GLYATL1: variants seen among roughly 807,000 people sequenced by gnomAD.
GLYATL1 encodes glycine-N-acyltransferase like 1.
A neutral mutation model predicts 20.0 loss-of-function variants in GLYATL1; 15 were observed. The ratio of observed to expected loss-of-function variants is 0.75; its 90% confidence interval spans 0.50 to 1.15. The LOEUF (loss-of-function observed/expected upper bound fraction) is 1.15. Among genes scored for constraint, GLYATL1 ranks in the 50% most tolerant of loss-of-function variants. The pLI, the probability that GLYATL1 is intolerant of heterozygous loss-of-function variation, is 0.00. For missense variants in GLYATL1, 380 were observed against 368.5 expected, an observed-to-expected ratio of 1.03 and a Z score of -0.26; for synonymous variants, 151 against 131.5, an observed-to-expected ratio of 1.15 and a Z score of -1.01.
intron 1 of GLYATL1, chr11:58,917,181 A>G (rs1855194199): frequency 1.3e-5 from 2 of 152,168 alleles, no homozygotes; most frequent in Non-Finnish European, 2.9e-5. Context: ...CAGCCAACAG[A>G]TCCTGTCTTC....
intron 1 of GLYATL1, among the ~76,000 whole-genome samples, chr11:58,917,762 C>G (rs1168947084): frequency 6.6e-6 from 1 of 152,182 alleles, no homozygotes; most frequent in Non-Finnish European, 1.5e-5. Context: ...TAAGTTTACT[C>G]ATATCATGGG....
upstream of GLYATL1, among the ~76,000 whole-genome samples, chr11:58,938,058 A>G (rs1855916192): frequency 6.6e-6 from 1 of 152,252 alleles, no homozygotes; most frequent in African/African-American, 2.4e-5. Context: ...CATTGATAAT[A>G]TAATAGCTTT....
At chr11:58,947,705 T>G in intron 3 of GLYATL1, 153 bp from the exon 4 acceptor site, 1 of 614,534 alleles carries the variant, frequency 1.6e-6, no homozygotes, top group Non-Finnish European at 2.9e-6. Flanking sequence ...CGTCCATCAG[T>G]ATGGTCCTCT....
chr11:58,955,344 A>C lies in GLYATL1; in HGVS notation c.482A>C (p.Glu161Ala). The stretch of plus-strand genomic sequence containing the variant: ...GCTGAGACAGGCCACCCAGATGATG[A>C]ATTTGAAAGGTACAAAAACATGTGC... Reference protein sequence around the residue: ...SWAETGHPDDEFESETPNFKY... With the variant: ...SWAETGHPDDAFESETPNFKY... Residue 161 changes from glutamate to alanine, a missense_variant, in exon 6 of 7, where the codon GAA becomes GCA. Transcript: ENST00000532726. The C allele has an allele frequency of 6.2e-7, 1 of 1,612,598 alleles. No homozygotes were observed. The highest frequency in any genetic ancestry group is 8.5e-7 in the Non-Finnish European group (1 of 1,179,446).
In GLYATL1 at chr11:58,955,634, C is replaced by G. The variant is rs1289335207; in HGVS notation, c.516C>G (p.Ala172=). Residue 172 remains alanine, a synonymous_variant, in exon 7 of 7, where the codon GCC becomes GCG. Transcript: ENST00000532726. ...FESETPNFKY[A]QLDVSYSGLV... ...GTGAAACTCCCAACTTTAAGTATGC[C>G]CAGCTGGATGTCTCTTATTCTGGGC... The G allele has an allele frequency of 3.1e-6, 5 of 1,613,908 alleles. No individual in the cohort carries two copies. The highest frequency in any genetic ancestry group is 1.1e-5 in the South Asian group (1 of 91,046).
intron 1 of GLYATL1, among the ~76,000 whole-genome samples, chr11:58,907,051 A>G (rs1854909351): frequency 6.6e-6 from 1 of 152,222 alleles, no homozygotes; most frequent in Non-Finnish European, 1.5e-5. Flanking sequence ...AAATGAGGAA[A>G]TGGGGATCCC....
rs1373884765 is a variant in GLYATL1, at chr11:58,947,664, TGTGA to T, written c.79-191_79-188del. The T allele has an allele frequency of 1.0e-5, 6 of 577,604 alleles. No homozygotes were observed. The Admixed American group carries it at 1.8e-4, about 17-fold the overall frequency. 35.8% of individuals were successfully genotyped at this position (577,604 alleles called of 1,614,324 possible). A position where few individuals can be genotyped will look rare whatever the true frequency, so the allele number is the denominator to read the frequency against. ...TTGGTATCACAAGGACAGTCCTACC[TGTGA>T]GTTCTGCCTGCTTGCTGGTAACTTC... On this transcript the variant is annotated intron_variant, in intron 3 of 6. Transcript: ENST00000532726.
upstream of GLYATL1, among the ~76,000 whole-genome samples, chr11:58,936,703 C>G (rs1020114885): frequency 1.3e-5 from 2 of 152,120 alleles, no homozygotes; most frequent in African/African-American, 4.8e-5. Context: ...GTAGTATAGC[C>G]AAAGTTTTGT....
chr11:58,926,527 CA>C (rs1855432483), upstream of GLYATL1, among the ~76,000 whole-genome samples: 1 of 152,166 alleles, frequency 6.6e-6, no homozygotes, highest in Non-Finnish European at 1.5e-5. Flanking sequence ...CTTTGAGTGC[CA>C]GTAAACCTAG....
intron 1 of GLYATL1, chr11:58,917,056 T>C (rs552266673): frequency 1.3e-5 from 2 of 152,362 alleles, no homozygotes; most frequent in African/African-American, 4.8e-5. Context: ...TGGGAATTGG[T>C]GGCATGATTT....
chr11:58,907,428 A>G, exon 2 of GLYATL1: 1 of 455,836 alleles, frequency 2.2e-6, no homozygotes, highest in Non-Finnish European at 4.4e-6. Context: ...CTTTAATTGC[A>G]TGATGTCTAG....
At chr11:58,945,244 AT>A (rs966751909) in intron 2 of GLYATL1, among the ~76,000 whole-genome samples, 3 of 152,040 alleles carry the variant, frequency 2.0e-5, no homozygotes, top group African/African-American at 7.2e-5. Context: ...CTTTACAACG[AT>A]TTTTTTAAAG....
intron 1 of GLYATL1, among the ~76,000 whole-genome samples, chr11:58,914,355 A>G (rs1379904643): frequency 3.9e-5 from 6 of 152,238 alleles, no homozygotes; most frequent in Non-Finnish European, 7.3e-5. Flanking sequence ...AGTTTCCCAG[A>G]CAAGGCTTTA....
upstream of GLYATL1, among the ~76,000 whole-genome samples, chr11:58,922,714 G>C (rs937671697): frequency 4.6e-5 from 7 of 152,108 alleles, no homozygotes; most frequent in Non-Finnish European, 8.8e-5. Flanking sequence ...TTCCTATGCC[G>C]TTGATTTTTC....
At chr11:58,905,712 GGACCGGGATGGGTCATCTGGACAAATA>G in intron 1 of GLYATL1, 1 of 428,146 alleles carries the variant, frequency 2.3e-6, no homozygotes, top group South Asian at 1.6e-5. Flanking sequence ...GGGATCGCTG[GGACCGGGATGGGTCATCTGGACAAATA>G]GGGAGGGTGG....
intron 1 of GLYATL1, among the ~76,000 whole-genome samples, chr11:58,917,832 A>T (rs1352380837): frequency 1.3e-5 from 2 of 152,256 alleles, no homozygotes; most frequent in African/African-American, 4.8e-5. Context: ...TCTCCAGAGC[A>T]CATTCCTTTC....
intron 4 of GLYATL1, 27 bp downstream of exon 4, chr11:58,947,992 A>C: frequency 6.6e-7 from 1 of 1,521,106 alleles, no homozygotes; most frequent in Non-Finnish European, 9.1e-7. Context: ...GGACTGGTGG[A>C]GCCAGGCAGG....
intron 4 of GLYATL1, among the ~76,000 whole-genome samples, chr11:58,948,934 T>C (rs1360338339): frequency 6.6e-6 from 1 of 152,154 alleles, no homozygotes; most frequent in East Asian, 1.9e-4. Flanking sequence ...CTTCTGTGAG[T>C]TTCATCATCC....
At chr11:58,932,230 C>T (rs894333040) in intron 1 of GLYATL1, among the ~76,000 whole-genome samples, 1 of 151,774 alleles carries the variant, frequency 6.6e-6, no homozygotes, top group Admixed American at 6.6e-5. Context: ...AATAAGATGC[C>T]CTATTACACC....
Sources: allele counts gnomAD v4.1 joint callset (sites outside exome capture counted in the v4.1 genomes callset), GRCh38; gene constraint gnomAD v4.1.1; transcripts MANE v1.5; gene names NCBI Gene and HGNC (gene_info 2026-07-23, HGNC 2026-07-21).